HNRNPK: variants seen among roughly 807,000 people sequenced by gnomAD.
HNRNPK encodes heterogeneous nuclear ribonucleoprotein K.
In HNRNPK, 7 loss-of-function variants were observed where a neutral mutation model predicts 67.0. The ratio of observed to expected loss-of-function variants is 0.10; its 90% CI spans 0.06 to 0.20. The LOEUF is 0.20. HNRNPK is among the 10% of genes least tolerant of loss of function. The pLI, the probability that HNRNPK is intolerant of heterozygous loss-of-function variation, is 1.00. For missense variants in HNRNPK, 264 were observed against 606.5 expected (o/e 0.44, Z 5.93); for synonymous variants, 213 against 193.7 (o/e 1.10, Z -0.83).
chr9:83,971,937 C>A lies in HNRNPK; in HGVS notation c.898G>T (p.Gly300Cys), dbSNP rs771433348. 4 of 1,591,478 alleles carry A rather than the reference C, an allele frequency of 2.5e-6. No individual in the cohort carries two copies. The highest frequency in any genetic ancestry group is 2.3e-5 in the South Asian group (2 of 88,778). ...GGAAGATTCCGAGCTCTGCTACCAC[C>A]CCGGCCGCCTCGTCCGGGAGGAGGG... ...PPPPPGRGGR[G>C]GSRARNLPLP... Residue 300 changes from glycine (G) to cysteine (C), a missense_variant, in exon 11 of 17, where the codon GGT (glycine) becomes TGT (cysteine). Physicochemically the swap from Gly to Cys is radical, Grantham distance 159. Around this residue, in one of 6 missense-constraint regions of HNRNPK, gnomAD observed 142 missense variants for 256.5 expected, o/e 0.55. Transcript: ENST00000376263.
At position 83,973,939 on chromosome 9, in the gene HNRNPK, T is replaced by C; in HGVS notation, c.365A>G (p.Gln122Arg). ...LQLPSPTATS[Q>R]LPLESDAVEC... ...CACAGCATCAGATTCGAGCGGGAGC[T>C]GGCTGGTTGCAGTGGGTGATGGCAA... The change falls in exon 8 of 17, where the codon CAG becomes CGG. Residue 122 changes from glutamine to arginine, a missense_variant. Coordinates refer to ENST00000376263, the MANE Select transcript of HNRNPK (RefSeq NM_031263.4). 1 of 1,613,990 alleles carries C rather than the reference T, an allele frequency of 6.2e-7. No homozygotes were observed. The highest frequency in any genetic ancestry group is 8.5e-7 in the Non-Finnish European group (1 of 1,179,924).
chr9:83,971,650 G>T (rs1447419114), intron 12 of HNRNPK, 22 bp downstream of exon 12: 3 of 1,595,344 alleles, frequency 1.9e-6, no homozygotes, highest in Admixed American at 1.7e-5. Flanking sequence ...CCAACACACT[G>T]GTAATAAACC....
chr9:83,976,524 T>C (rs1957070475), intron 5 of HNRNPK: 1 of 152,694 alleles, frequency 6.5e-6, no homozygotes, highest in Non-Finnish European at 1.5e-5. Flanking sequence ...ATTTAAATCA[T>C]GCAACCTCAA....
chr9:83,973,188 A>T, intron 9 of HNRNPK, 98 bp downstream of exon 9: 1 of 817,072 alleles, frequency 1.2e-6, no homozygotes, highest in Non-Finnish European at 2.1e-6. Flanking sequence ...CAATCTTTGG[A>T]GGGAACTGAG....
intron 3 of HNRNPK, among the ~76,000 whole-genome samples, 169 bp downstream of exon 3, chr9:83,978,026 T>C (rs1332354258): frequency 6.6e-6 from 1 of 152,214 alleles, no homozygotes; most frequent in East Asian, 1.9e-4. Context: ...TGCAAATCAG[T>C]TACTTCTACT....
chr9:83,969,509 C>A (rs1358936995), intron 16 of HNRNPK, 69 bp from the exon 17 acceptor site: 2 of 910,212 alleles, frequency 2.2e-6, no homozygotes, highest in East Asian at 2.4e-5. Flanking sequence ...AACATCAAGA[C>A]AATTTCAATG....
Position 83,970,784 on chromosome 9 carries a change from C to T in HNRNPK, c.1144G>A (p.Asp382Asn). ...GTAGTAATAATAGGTCCACCAAGAT[C>T]ACCATATGAGCCACGACCCCCTGCA... ...SYAGGRGSYG[D>N]LGGPIITTQV... is the part of the protein sequence containing the mutation. Residue 382 changes from aspartate (D) to asparagine (N), a missense_variant, in exon 15 of 17, where the codon GAT (aspartate) becomes AAT (asparagine). Around this residue, in one of 6 missense-constraint regions of HNRNPK, gnomAD observed 142 missense variants for 256.5 expected, o/e 0.55. Transcript: ENST00000376263. 1 of 1,610,608 alleles carries T rather than the reference C, an allele frequency of 6.2e-7. No individual in the cohort carries two copies. The highest frequency in any genetic ancestry group is 8.5e-7 in the Non-Finnish European group (1 of 1,176,908).
chr9:83,977,019 C>T lies in HNRNPK; in HGVS notation c.189G>A (p.Lys63=). 6.2e-7 allele frequency: 1 copy of T among 1,611,356 alleles called. No homozygotes were observed. Among genetic ancestry groups the T allele is most frequent in the South Asian group, 1.1e-5 (1 of 91,018 alleles). ...CGTCTGTACGGAGAGCCTTAATATTCTTGCCTCCTTTTCCAATCACTGCCC... is the reference window on the plus strand; with the variant it reads ...CGTCTGTACGGAGAGCCTTAATATTTTTGCCTCCTTTTCCAATCACTGCCC... ...NAGAVIGKGG[K]NIKALRTDYN... Residue 63 remains lysine, a synonymous_variant, in exon 5 of 17, where the codon AAG becomes AAA. Transcript: ENST00000376263.
intron 1 of HNRNPK, among the ~76,000 whole-genome samples, chr9:83,978,798 G>C (rs1017002815): frequency 6.6e-6 from 1 of 152,184 alleles, no homozygotes; most frequent in Admixed American, 6.5e-5. Flanking sequence ...TATTCACTGG[G>C]AAAACTAATT....
At chr9:83,976,821 G>A (rs1957086393) in intron 5 of HNRNPK, 174 bp downstream of exon 5, 1 of 470,054 alleles carries the variant, frequency 2.1e-6, no homozygotes, top group Non-Finnish European at 3.8e-6. Flanking sequence ...TGCTCAATCT[G>A]GGCTTTTGTT....
chr9:83,972,766 T>C, intron 10 of HNRNPK, 78 bp downstream of exon 10: 4 of 1,087,226 alleles, frequency 3.7e-6, no homozygotes, highest in Non-Finnish European at 2.6e-6. Context: ...TTAGACTAAA[T>C]GCTCTGAAGC....
chr9:83,968,860 A>C lies in HNRNPK; in HGVS notation c.*547T>G, dbSNP rs1382672205. Reference sequence around the variant, plus strand: ...AGTTTGGGGGTGGGTTGGGAAATTCAGCCACCATTTTAAAATGACTGTCTT... The same window carrying C: ...AGTTTGGGGGTGGGTTGGGAAATTCCGCCACCATTTTAAAATGACTGTCTT... On this transcript the variant is annotated 3_prime_UTR_variant, in exon 17 of 17. Transcript: ENST00000376263. The C allele has an allele frequency of 6.5e-6, 1 of 153,408 alleles. No homozygotes were observed. Among genetic ancestry groups the C allele is most frequent in the Non-Finnish European group, 1.5e-5 (1 of 68,580 alleles). The allele number at this position is 153,408 out of a possible 1,614,324, so 9.5% of individuals were successfully genotyped here. A position where few individuals can be genotyped will look rare whatever the true frequency, so the allele number is the denominator to read the frequency against.
chr9:83,975,803 T>C (rs1957041057), intron 5 of HNRNPK: 1 of 424,280 alleles, frequency 2.4e-6, no homozygotes, highest in African/African-American at 2.0e-5. Flanking sequence ...TGAAACAAGC[T>C]TAAGTTGTTC....
chr9:83,975,373 G>C, intron 6 of HNRNPK, 89 bp downstream of exon 6: 1 of 1,128,058 alleles, frequency 8.9e-7, no homozygotes, highest in Non-Finnish European at 1.3e-6. Flanking sequence ...CGTCTAAAGG[G>C]GATACTATTT....
chr9:83,971,554 CA>C (rs1394440650), intron 12 of HNRNPK, 117 bp downstream of exon 12: 1 of 899,752 alleles, frequency 1.1e-6, no homozygotes, highest in African/African-American at 1.7e-5. Context: ...ACTAGTAATC[CA>C]AACAAAATTT....
chr9:83,971,767 T>C, intron 11 of HNRNPK, 41 bp from the exon 12 acceptor site: 25 of 1,600,524 alleles, frequency 1.6e-5, no homozygotes, highest in Non-Finnish European at 2.0e-5. Flanking sequence ...CGTGCTTACA[T>C]GCCACACATA....
chr9:83,976,959 G>C, intron 5 of HNRNPK, 36 bp downstream of exon 5: 3 of 1,257,970 alleles, frequency 2.4e-6, no homozygotes, highest in Non-Finnish European at 3.4e-6. Flanking sequence ...ATAAACTGAA[G>C]CTGCTCGTGT....
intron 12 of HNRNPK, 24 bp from the exon 13 acceptor site, chr9:83,971,380 A>C (rs1349784395): frequency 6.8e-7 from 1 of 1,461,902 alleles, no homozygotes. Flanking sequence ...AAACATTAAC[A>C]TGAACCCGCA....
intron 16 of HNRNPK, chr9:83,969,879 AG>A (rs1956747521): frequency 1.6e-6 from 1 of 608,798 alleles, no homozygotes; most frequent in Admixed American, 2.0e-5. Flanking sequence ...TATTTTCTAC[AG>A]GCTCTGTACA....
Sources: gnomAD v4.1 joint callset for allele counts (sites outside exome capture counted in the v4.1 genomes callset) on GRCh38, gnomAD v4.1.1 for gene constraint, gnomAD v4.1.1 regional missense constraint, MANE v1.5 for transcripts, NCBI Gene and HGNC (gene_info 2026-07-23, HGNC 2026-07-21) for gene names.